NAT2: variants seen among roughly 807,000 people sequenced by gnomAD.
The protein encoded by NAT2 is arylamine N-acetyltransferase 2.
For synonymous variants in NAT2, 137 were observed against 125.9 expected (o/e 1.09, Z -0.59); for missense variants, 428 against 339.1 (o/e 1.26, Z -2.06).
At position 18,400,738 on chromosome 8, in the gene NAT2, T is replaced by C. The variant is rs768197008; in HGVS notation, c.735T>C (p.Asn245=). ...TCATCCTCACCTATAGAAAATTCAA[T>C]TATAAAGACAATACAGATCTGGTCG... ...VGFILTYRKF[N]YKDNTDLVEF... is the part of the protein sequence containing the mutation. Residue 245 remains asparagine (N), a synonymous_variant, in exon 2 of 2, where the codon AAT becomes AAC. Transcript: ENST00000286479. The C allele has an allele frequency of 6.2e-7, 1 of 1,613,762 alleles. No homozygotes were observed. Among genetic ancestry groups the C allele is most frequent in the Non-Finnish European group, 8.5e-7 (1 of 1,179,944 alleles).
upstream of NAT2, chr8:18,387,203 T>G (rs1287392147): frequency 6.6e-6 from 1 of 152,538 alleles, no homozygotes; most frequent in Non-Finnish European, 1.5e-5. Context: ...CTGCTTAGGT[T>G]TTGGCGCCGC....
At chr8:18,392,101 A>G (rs992197779) in intron 1 of NAT2, among the ~76,000 whole-genome samples, 2 of 152,218 alleles carry the variant, frequency 1.3e-5, no homozygotes, top group African/African-American at 4.8e-5. Flanking sequence ...TGGCCCCCTA[A>G]AGCTTCACTA....
At chr8:18,398,300 T>C (rs1020790179) in intron 1 of NAT2, among the ~76,000 whole-genome samples, 7 of 152,222 alleles carry the variant, frequency 4.6e-5, no homozygotes, top group African/African-American at 9.6e-5. Flanking sequence ...CTTCTGGGTA[T>C]AGGGATCTTA....
chr8:18,400,793 GA>G lies in NAT2; in HGVS notation c.792del (p.Glu265LysfsTer3). Reference sequence around the variant, plus strand: ...TAAAACTCTCACTGAGGAAGAGGTTGAAGAAGTGCTGAGAAATATATTTAAG... The same window carrying G: ...TAAAACTCTCACTGAGGAAGAGGTTGAGAAGTGCTGAGAAATATATTTAAG... ...EFKTLTEEEV[E>X]EVLRNIFKIS... is the part of the protein sequence containing the mutation. On this transcript the variant is annotated frameshift_variant, in exon 2 of 2. Coordinates refer to ENST00000286479, the MANE Select transcript of NAT2 (RefSeq NM_000015.3). LOFTEE classifies it low-confidence loss of function (END_TRUNC). 3.7e-6 allele frequency: 6 copies of G among 1,612,576 alleles called. No homozygotes were observed. The highest frequency in any genetic ancestry group is 5.1e-6 in the Non-Finnish European group (6 of 1,179,658).
In NAT2 at chr8:18,400,922, T is replaced by A; in HGVS notation, c.*46T>A. The A allele has an allele frequency of 7.0e-7, 1 of 1,427,890 alleles. No homozygotes were observed. Among genetic ancestry groups the A allele is most frequent in the Non-Finnish European group, 9.4e-7 (1 of 1,059,860 alleles). 88.5% of individuals were successfully genotyped at this position (1,427,890 alleles called of 1,614,324 possible). A position where few individuals can be genotyped will look rare whatever the true frequency, so the allele number is the denominator to read the frequency against. On this transcript the variant is annotated 3_prime_UTR_variant, in exon 2 of 2. Coordinates refer to ENST00000286479, the MANE Select transcript of NAT2 (RefSeq NM_000015.3). ...CTTGTGTATGTATCACCCAACTCAC[T>A]AATTATCAACTTATGTGCTATCAGA...
At chr8:18,397,963 C>T (rs1379036088) in intron 1 of NAT2, among the ~76,000 whole-genome samples, 1 of 152,112 alleles carries the variant, frequency 6.6e-6, no homozygotes, top group East Asian at 1.9e-4. Flanking sequence ...CTTCCATTAT[C>T]ACTTAATTCT....
Position 18,400,227 on chromosome 8 carries a change from T to C in NAT2, c.224T>C (p.Leu75Pro), listed in dbSNP as rs1800765111. 1.2e-6 allele frequency: 2 copies of C among 1,611,910 alleles called. No homozygotes were observed. Among genetic ancestry groups the C allele is most frequent in the Non-Finnish European group, 1.7e-6 (2 of 1,178,784 alleles). Residue 75 changes from leucine to proline, a missense_variant, in exon 2 of 2, where the codon CTG becomes CCG. Physicochemically the swap from Leu to Pro is moderately conservative, Grantham distance 98 (BLOSUM62 -3). Transcript: ENST00000286479. ...TGGTGTCTCCAGGTCAATCAACTTC[T>C]GTACTGGGCTCTGACCACAATCGGT... Reference protein sequence around the residue: ...GGWCLQVNQLLYWALTTIGFQ... With the variant: ...GGWCLQVNQLPYWALTTIGFQ...
At chr8:18,391,517 C>A (rs989019485) in intron 1 of NAT2, among the ~76,000 whole-genome samples, 172 bp downstream of exon 1, 2 of 149,908 alleles carry the variant, frequency 1.3e-5, no homozygotes, top group Non-Finnish European at 2.9e-5. Context: ...TCAGACACGC[C>A]TCATTATACA....
chr8:18,399,350 C>G (rs1200385322), intron 1 of NAT2, among the ~76,000 whole-genome samples: 4 of 152,180 alleles, frequency 2.6e-5, no homozygotes, highest in Non-Finnish European at 5.9e-5. Flanking sequence ...TTACCACAAT[C>G]TAACAGACTG....
intron 1 of NAT2, among the ~76,000 whole-genome samples, chr8:18,392,036 A>G (rs1480803232): frequency 1.3e-5 from 2 of 152,160 alleles, no homozygotes; most frequent in Non-Finnish European, 1.5e-5. Context: ...CTACTTCAAT[A>G]TGTCTGATTT....
intron 1 of NAT2, among the ~76,000 whole-genome samples, chr8:18,392,235 C>T (rs1176140413): frequency 6.6e-6 from 1 of 152,142 alleles, no homozygotes; most frequent in African/African-American, 2.4e-5. Context: ...TAGATGTATA[C>T]ATAAAGGGGA....
At chr8:18,399,942 G>T in intron 1 of NAT2, 56 bp from the exon 2 acceptor site, 1 of 1,498,074 alleles carries the variant, frequency 6.7e-7, no homozygotes, top group South Asian at 1.4e-5. Flanking sequence ...TTAGTCACAC[G>T]AGGAAATCAA....
upstream of NAT2, among the ~76,000 whole-genome samples, chr8:18,389,643 G>A (rs1253695890): frequency 1.3e-5 from 2 of 152,188 alleles, no homozygotes; most frequent in Non-Finnish European, 2.9e-5. Flanking sequence ...ACAGAAATCT[G>A]GCAGTGCCAA....
upstream of NAT2, among the ~76,000 whole-genome samples, chr8:18,386,575 C>T (rs1023470771): frequency 3.9e-5 from 6 of 152,182 alleles, no homozygotes; most frequent in Non-Finnish European, 8.8e-5. Flanking sequence ...TGCCCATACA[C>T]CCCACCCCGG....
upstream of NAT2, among the ~76,000 whole-genome samples, chr8:18,390,424 T>C (rs1437728145): frequency 1.3e-5 from 2 of 151,924 alleles, no homozygotes; most frequent in Non-Finnish European, 2.9e-5. Flanking sequence ...GAAGGAAGGA[T>C]TTTGAATGTT....
chr8:18,389,139 C>A (rs2077565416), upstream of NAT2, among the ~76,000 whole-genome samples: 1 of 152,178 alleles, frequency 6.6e-6, no homozygotes, highest in Non-Finnish European at 1.5e-5. Flanking sequence ...TAATTAGAGG[C>A]AATCTCAGAA....
intron 1 of NAT2, among the ~76,000 whole-genome samples, chr8:18,397,726 A>C (rs573349391): frequency 1.4e-4 from 22 of 152,320 alleles, no homozygotes; most frequent in Middle Eastern, 3.4e-3. Flanking sequence ...TTAATGTTTA[A>C]TGCTATTTTT....
upstream of NAT2, among the ~76,000 whole-genome samples, chr8:18,390,549 T>C (rs1693788756): frequency 6.6e-6 from 1 of 152,102 alleles, no homozygotes. Context: ...AATAAATATA[T>C]ACAATTGTTA....
intron 1 of NAT2, among the ~76,000 whole-genome samples, chr8:18,398,442 T>C (rs1236252120): frequency 6.6e-6 from 1 of 152,198 alleles, no homozygotes; most frequent in South Asian, 2.1e-4. Context: ...TTCTGATTTC[T>C]AGGTTCTGCC....
Sources: gnomAD v4.1 joint callset for allele counts (sites outside exome capture counted in the v4.1 genomes callset) on GRCh38, gnomAD v4.1.1 for gene constraint, MANE v1.5 for transcripts, NCBI Gene and HGNC (gene_info 2026-07-23, HGNC 2026-07-21) for gene names.